Variants in EGFL6 observed in about 807,000 individuals in gnomAD.
The protein encoded by EGFL6 is EGF like domain multiple 6, also known as epidermal growth factor-like protein 6.
EGFL6 carries 42 observed loss-of-function variants against 43.1 expected under a neutral mutation model. That is an observed-to-expected ratio of 0.98 (90% CI 0.76 to 1.26). EGFL6 has a LOEUF of 1.26. EGFL6 is among the 50% of genes most tolerant of loss of function. The pLI is 0.00. For synonymous variants in EGFL6, 164 were observed against 163.2 expected, an observed-to-expected ratio of 1.01 and a Z score of -0.04; for missense variants, 429 against 427.8, an observed-to-expected ratio of 1.00 and a Z score of -0.02.
intron 9 of EGFL6, among the ~76,000 whole-genome samples, chrX:13,621,223 G>T (rs2045746888): frequency 8.9e-6 from 1 of 112,487 alleles, no homozygotes; most frequent in Admixed American, 9.4e-5. Context: ...GGGGAGACAA[G>T]GAGGCAATAA....
chrX:13,598,943 CAT>C (rs544045963), intron 3 of EGFL6, among the ~76,000 whole-genome samples: 16 of 100,280 alleles, frequency 1.6e-4, no homozygotes, highest in African/African-American at 3.3e-4. Context: ...ATATATAATT[CAT>C]ATATATATAT....
intron 11 of EGFL6, among the ~76,000 whole-genome samples, chrX:13,628,226 T>A (rs2045791889): frequency 9.0e-6 from 1 of 111,454 alleles, no homozygotes; most frequent in Non-Finnish European, 1.9e-5. Context: ...TTGGAATGTG[T>A]ATGGTTTGGA....
At chrX:13,588,120 C>T (rs1343523204) in intron 1 of EGFL6, among the ~76,000 whole-genome samples, 3 of 112,145 alleles carry the variant, frequency 2.7e-5, no homozygotes, top group African/African-American at 9.7e-5. Flanking sequence ...ACTTATGAAT[C>T]CCTAAAATTA....
chrX:13,580,514 T>G (rs1198994917), intron 1 of EGFL6, among the ~76,000 whole-genome samples: 1 of 111,538 alleles, frequency 9.0e-6, no homozygotes, highest in Admixed American at 9.5e-5. Context: ...GGGGTATCAT[T>G]GCTGACAGGT....
At chrX:13,629,760 G>T (rs957238081) in intron 11 of EGFL6, among the ~76,000 whole-genome samples, 23 of 111,817 alleles carry the variant, frequency 2.1e-4, no homozygotes, top group Non-Finnish European at 2.3e-4. Flanking sequence ...CCATTAGGCT[G>T]GGGGGGAAAT....
intron 1 of EGFL6, among the ~76,000 whole-genome samples, chrX:13,585,830 C>T (rs1351434913): frequency 9.0e-6 from 1 of 111,628 alleles, no homozygotes; most frequent in Non-Finnish European, 1.9e-5. Context: ...CATTTTCCTC[C>T]TCTTTCCCAA....
In EGFL6 at chrX:13,598,660, G is replaced by A. The variant is rs907039082; in HGVS notation, c.281-1315G>A. ...TACCACCTGAAGATAACCATTAGTC[G>A]CATTTAGAGCATACCCTCCTAGGCT... On this transcript the variant is annotated intron_variant, in intron 3 of 11. Transcript: ENST00000361306. Among the ~76,000 whole-genome samples, 7 of 108,307 alleles carry A rather than the reference G, an allele frequency of 6.5e-5. No individual in the cohort carries two copies. In the East Asian group the frequency reaches 1.1e-3, roughly 18 times the overall value. 94.1% of individuals were successfully genotyped at this position (108,307 alleles called of 115,157 possible). A position where few individuals can be genotyped will look rare whatever the true frequency, so the allele number is the denominator to read the frequency against.
intron 5 of EGFL6, among the ~76,000 whole-genome samples, chrX:13,605,662 AC>A (rs921197275): frequency 4.5e-5 from 5 of 111,987 alleles, no homozygotes; most frequent in Non-Finnish European, 5.6e-5. Context: ...AGAAGAACAA[AC>A]TAACATCTAT....
At chrX:13,628,495 A>G (rs1361184838) in intron 11 of EGFL6, among the ~76,000 whole-genome samples, 1 of 110,976 alleles carries the variant, frequency 9.0e-6, no homozygotes, top group Non-Finnish European at 1.9e-5. Flanking sequence ...GCCTTAAGGC[A>G]GCCACTGTGG....
intron 9 of EGFL6, among the ~76,000 whole-genome samples, chrX:13,619,582 A>C (rs1383779608): frequency 8.9e-6 from 1 of 112,255 alleles, no homozygotes; most frequent in Non-Finnish European, 1.9e-5. Flanking sequence ...GAAAGTCCTC[A>C]TGTACTAAAT....
chrX:13,619,181 C>T lies in EGFL6; in HGVS notation c.1121C>T (p.Ala374Val). 1 of 1,211,104 alleles carries T rather than the reference C, an allele frequency of 8.3e-7. No individual in the cohort carries two copies. The change falls in exon 9 of 12, where the codon GCA (alanine) becomes GTA (valine). Residue 374 changes from alanine to valine, a missense_variant. Transcript: ENST00000361306. ...GDVFFPKVNE[A>V]GEFGLILVQR... ...TTATTAGTCCCTAAGGTGAATGAAGCAGGTGAATTCGGCCTGATTCTGGTC... is the reference window on the plus strand; with the variant it reads ...TTATTAGTCCCTAAGGTGAATGAAGTAGGTGAATTCGGCCTGATTCTGGTC...
At chrX:13,632,096 A>C (rs758371088) in intron 11 of EGFL6, among the ~76,000 whole-genome samples, 59 of 110,514 alleles carry the variant, frequency 5.3e-4, no homozygotes, top group African/African-American at 1.9e-3. Context: ...TATTTTCAAC[A>C]CGTGAAAACA....
intron 7 of EGFL6, among the ~76,000 whole-genome samples, chrX:13,615,249 C>T (rs772772809): frequency 2.9e-4 from 33 of 112,766 alleles, no homozygotes; most frequent in Non-Finnish European, 5.6e-4. Context: ...ATTGTCAACA[C>T]TATCAAGATT....
At chrX:13,617,216 G>T (rs1160053074) in intron 7 of EGFL6, among the ~76,000 whole-genome samples, 1 of 112,062 alleles carries the variant, frequency 8.9e-6, no homozygotes, top group Non-Finnish European at 1.9e-5. Context: ...AAAGGGGAGA[G>T]AGAAGAGAGA....
At chrX:13,595,893 C>T (rs1432240961) in intron 3 of EGFL6, among the ~76,000 whole-genome samples, 6 of 109,943 alleles carry the variant, frequency 5.5e-5, no homozygotes, top group African/African-American at 1.0e-4. Flanking sequence ...CTACTTTTTA[C>T]AGTTTTTGTA....
intron 9 of EGFL6, among the ~76,000 whole-genome samples, chrX:13,623,376 G>GTTTTTTTTTTTTTTTTTTTTTTT (rs1569209997): frequency 2.4e-5 from 1 of 41,033 alleles, no homozygotes; most frequent in Admixed American, 2.6e-4. Flanking sequence ...TTTTATTTTG[G>GTTTTTTTTTTTTTTTTTTTTTTT]GTTTTTTTTT....
intron 4 of EGFL6, among the ~76,000 whole-genome samples, chrX:13,602,116 G>A (rs1471786275): frequency 9.0e-6 from 1 of 111,508 alleles, no homozygotes; most frequent in African/African-American, 3.3e-5. Flanking sequence ...GGGGTTACCT[G>A]TGCCTCCCTG....
chrX:13,578,923 A>G (rs2045490762), intron 1 of EGFL6, among the ~76,000 whole-genome samples: 1 of 111,703 alleles, frequency 9.0e-6, no homozygotes, highest in African/African-American at 3.3e-5. Context: ...TTAAAGTATA[A>G]TAAAAATAAA....
intron 10 of EGFL6, 34 bp downstream of exon 10, chrX:13,623,959 A>G (rs768721759): frequency 1.9e-6 from 2 of 1,050,155 alleles, no homozygotes; most frequent in East Asian, 6.1e-5. Flanking sequence ...GTTCTGCAAT[A>G]TGGTGAAGGG....
Sources: gnomAD v4.1 joint callset for allele counts (sites outside exome capture counted in the v4.1 genomes callset) on GRCh38, gnomAD v4.1.1 for gene constraint, MANE v1.5 for transcripts, NCBI Gene and HGNC (gene_info 2026-07-23, HGNC 2026-07-21) for gene names.